DEPTOR: variants seen among roughly 807,000 people sequenced by gnomAD.
DEPTOR encodes DEP domain-containing mTOR-interacting protein.
DEPTOR carries 41 observed loss-of-function variants against 41.6 expected under a neutral mutation model. The observed-to-expected ratio is 0.98, with a 90% confidence interval of 0.77 to 1.28. DEPTOR has a LOEUF of 1.28. Ranked by LOEUF, DEPTOR falls within the 50% of genes most tolerant of loss-of-function variation. DEPTOR has a pLI of 0.00. For missense variants in DEPTOR, 514 were observed against 527.9 expected (o/e 0.97, Z 0.26); for synonymous variants, 195 against 192.3 (o/e 1.01, Z -0.12).
At chr8:119,950,911 C>A (rs1450335460) in intron 3 of DEPTOR, among the ~76,000 whole-genome samples, 2 of 151,836 alleles carry the variant, frequency 1.3e-5, no homozygotes. Flanking sequence ...TTTCTTATAT[C>A]TTTTAAATAT....
chr8:120,040,153 G>A (rs1197484791), intron 8 of DEPTOR, among the ~76,000 whole-genome samples: 1 of 152,086 alleles, frequency 6.6e-6, no homozygotes, highest in African/African-American at 2.4e-5. Flanking sequence ...CTTTAGGCAA[G>A]TAATAATTTT....
intron 3 of DEPTOR, among the ~76,000 whole-genome samples, chr8:119,948,208 C>T (rs1405887071): frequency 2.6e-5 from 4 of 152,138 alleles, no homozygotes; most frequent in East Asian, 1.9e-4. Context: ...GTAAGGGCCA[C>T]GTCTTTTCAT....
chr8:119,992,098 T>C (rs1812182854), intron 4 of DEPTOR, among the ~76,000 whole-genome samples: 1 of 152,242 alleles, frequency 6.6e-6, no homozygotes, highest in African/African-American at 2.4e-5. Context: ...GCAGTTTATC[T>C]GTGATTTTGA....
At chr8:119,903,039 G>GC (rs1305379303) in intron 1 of DEPTOR, among the ~76,000 whole-genome samples, 1 of 152,188 alleles carries the variant, frequency 6.6e-6, no homozygotes, top group Non-Finnish European at 1.5e-5. Context: ...TATGCCCAGT[G>GC]CCTGGCACAG....
At chr8:119,964,119 G>A (rs960876236) in intron 3 of DEPTOR, among the ~76,000 whole-genome samples, 3 of 152,084 alleles carry the variant, frequency 2.0e-5, no homozygotes, top group African/African-American at 7.2e-5. Context: ...TTTGATAAGG[G>A]CACTAATGCC....
intron 1 of DEPTOR, among the ~76,000 whole-genome samples, chr8:119,879,467 T>C (rs1827271146): frequency 1.3e-5 from 2 of 152,188 alleles, no homozygotes; most frequent in African/African-American, 4.8e-5. Flanking sequence ...ATCCCAGCAC[T>C]TTGGGAGGCT....
intron 3 of DEPTOR, among the ~76,000 whole-genome samples, chr8:119,944,657 C>CTTTTTTTTTT (rs11428615): frequency 7.3e-6 from 1 of 136,980 alleles, no homozygotes; most frequent in Non-Finnish European, 1.6e-5. Context: ...TCTTTCTTTT[C>CTTTTTTTTTT]TTTTTTTTTT....
chr8:120,013,993 A>C (rs1812572348), intron 8 of DEPTOR, among the ~76,000 whole-genome samples: 1 of 152,074 alleles, frequency 6.6e-6, no homozygotes, highest in African/African-American at 2.4e-5. Flanking sequence ...GCGTGCCACT[A>C]TGCCCAGCTA....
At chr8:119,921,653 C>T (rs1827895387) in intron 1 of DEPTOR, among the ~76,000 whole-genome samples, 1 of 152,100 alleles carries the variant, frequency 6.6e-6, no homozygotes, top group African/African-American at 2.4e-5. Flanking sequence ...CCCCTTCTAC[C>T]CTTGCAGGGA....
chr8:119,964,474 C>G (rs953706135), intron 3 of DEPTOR, among the ~76,000 whole-genome samples: 4 of 139,636 alleles, frequency 2.9e-5, no homozygotes, highest in African/African-American at 1.1e-4. Context: ...AAGGTCGCAC[C>G]ATTGCACTCC....
chr8:119,987,593 C>T (rs1828846047), intron 4 of DEPTOR, among the ~76,000 whole-genome samples: 1 of 152,164 alleles, frequency 6.6e-6, no homozygotes, highest in Non-Finnish European at 1.5e-5. Context: ...TTAGAGCTGG[C>T]AGACAGGGAG....
At chr8:120,038,670 C>A (rs1178031023) in intron 8 of DEPTOR, among the ~76,000 whole-genome samples, 1 of 151,778 alleles carries the variant, frequency 6.6e-6, no homozygotes, top group African/African-American at 2.4e-5. Flanking sequence ...TGCTTAGACA[C>A]CAGGCTAGGA....
chr8:119,906,775 T>C (rs940222294), intron 1 of DEPTOR, among the ~76,000 whole-genome samples: 1 of 152,188 alleles, frequency 6.6e-6, no homozygotes, highest in African/African-American at 2.4e-5. Context: ...CAGAGCTCTA[T>C]GCAGGACACC....
chr8:119,950,975 A>G (rs1057196500), intron 3 of DEPTOR, among the ~76,000 whole-genome samples: 2 of 152,126 alleles, frequency 1.3e-5, no homozygotes, highest in African/African-American at 2.4e-5. Context: ...TGGGAGGCCA[A>G]GGTGGTAGGA....
chr8:119,962,521 G>A (rs1828507062), intron 3 of DEPTOR, among the ~76,000 whole-genome samples: 1 of 152,088 alleles, frequency 6.6e-6, no homozygotes. Flanking sequence ...GGTAGATGGG[G>A]CATGGTATGT....
chr8:119,983,906 T>G (rs1318090841), intron 4 of DEPTOR, among the ~76,000 whole-genome samples: 2 of 152,206 alleles, frequency 1.3e-5, no homozygotes, highest in Non-Finnish European at 2.9e-5. Flanking sequence ...CATACTGACT[T>G]TATCTCTTCA....
intron 8 of DEPTOR, among the ~76,000 whole-genome samples, chr8:120,012,144 A>G (rs1212217982): frequency 6.6e-6 from 1 of 152,256 alleles, no homozygotes; most frequent in Non-Finnish European, 1.5e-5. Context: ...AGGAATCTTT[A>G]TCAGTGTTGT....
chr8:120,044,433 C>G (rs1209581352), intron 8 of DEPTOR, among the ~76,000 whole-genome samples: 3 of 152,066 alleles, frequency 2.0e-5, no homozygotes, highest in Non-Finnish European at 4.4e-5. Flanking sequence ...CCTGGAGAAC[C>G]AAGCTTGATA....
chr8:119,933,111 T>C (rs937441590), intron 3 of DEPTOR, among the ~76,000 whole-genome samples: 1 of 152,100 alleles, frequency 6.6e-6, no homozygotes, highest in Non-Finnish European at 1.5e-5. Flanking sequence ...TACTTCTGCA[T>C]GTGCTGTTCC....
Sources: allele counts gnomAD v4.1 joint callset (sites outside exome capture counted in the v4.1 genomes callset), GRCh38; gene constraint gnomAD v4.1.1; transcripts MANE v1.5; gene names NCBI Gene and HGNC (gene_info 2026-07-23, HGNC 2026-07-21).